Variants in RPS6KC1 observed in about 807,000 individuals in gnomAD.
RPS6KC1 encodes ribosomal protein S6 kinase C1, also known as inactive ribosomal protein S6 kinase delta-1.
A neutral mutation model predicts 103.8 loss-of-function variants in RPS6KC1; 54 were observed. That is an observed-to-expected ratio of 0.52 (90% CI 0.42 to 0.65). The LOEUF (loss-of-function observed/expected upper bound fraction) is 0.65, where lower values mean the gene tolerates loss of function less well. Ranked by LOEUF, RPS6KC1 falls within the 30% of genes least tolerant of loss-of-function variation. The probability of loss-of-function intolerance (pLI) is 0.00; values close to 1 mark genes in which losing one functional copy is unlikely to be tolerated. For synonymous variants in RPS6KC1, 439 were observed against 438.7 expected (o/e 1.00, Z -0.01); for missense variants, 1,151 against 1,253.8 (o/e 0.92, Z 1.24).
the RPS6KC1 span, among the ~76,000 whole-genome samples, chr1:213,670,010 A>C: frequency 7.2e-5 from 11 of 152,122 alleles, no homozygotes; most frequent in Admixed American, 5.2e-4. Context: ...ATGTTGTGTT[A>C]TTATCCTGGC....
At chr1:213,441,121 A>T in the RPS6KC1 span, among the ~76,000 whole-genome samples, 3 of 152,192 alleles carry the variant, frequency 2.0e-5, no homozygotes, top group Admixed American at 1.3e-4. Context: ...ATATAGAGTA[A>T]ATTCAGTGCT....
intron 3 of RPS6KC1, among the ~76,000 whole-genome samples, chr1:213,101,804 G>A (rs928814847): frequency 6.6e-6 from 1 of 151,842 alleles, no homozygotes; most frequent in Non-Finnish European, 1.5e-5. Context: ...TTCTTTAAGC[G>A]ATAACTATAT....
the RPS6KC1 span, among the ~76,000 whole-genome samples, chr1:213,525,659 A>G: frequency 6.6e-6 from 1 of 152,140 alleles, no homozygotes; most frequent in African/African-American, 2.4e-5. Context: ...ACATGGTAGG[A>G]GGAGAATAAG....
At chr1:213,361,545 G>C in the RPS6KC1 span, among the ~76,000 whole-genome samples, 3 of 152,214 alleles carry the variant, frequency 2.0e-5, no homozygotes, top group Non-Finnish European at 4.4e-5. Flanking sequence ...CTCATGCTCA[G>C]TGCGCTGCAC....
the RPS6KC1 span, among the ~76,000 whole-genome samples, chr1:213,307,713 G>A: frequency 6.6e-6 from 1 of 152,104 alleles, no homozygotes; most frequent in Non-Finnish European, 1.5e-5. Flanking sequence ...GTCTCCCAAG[G>A]GGCATCTTCT....
In RPS6KC1 at chr1:213,072,949, A is replaced by G. The variant is rs562643968; in HGVS notation, c.141+1908A>G. Reference sequence around the variant, plus strand: ...CTTTTTTCGGGAAAACTCTTTTATAATAACAACTGTTGGTGAACCATTCAT... The same window carrying G: ...CTTTTTTCGGGAAAACTCTTTTATAGTAACAACTGTTGGTGAACCATTCAT... On this transcript the variant is annotated intron_variant, in intron 2 of 14. Coordinates refer to ENST00000366960, the MANE Select transcript of RPS6KC1 (RefSeq NM_012424.6). 1.1e-5 allele frequency: 11 copies of G among 963,554 alleles called. No individual in the cohort carries two copies. The African/African-American group carries it at 1.8e-4, about 15-fold the overall frequency. 59.7% of individuals were successfully genotyped at this position (963,554 alleles called of 1,614,324 possible). A position where few individuals can be genotyped will look rare whatever the true frequency, so the allele number is the denominator to read the frequency against.
At chr1:213,778,550 C>G in the RPS6KC1 span, among the ~76,000 whole-genome samples, 1 of 152,040 alleles carries the variant, frequency 6.6e-6, no homozygotes, top group East Asian at 1.9e-4. Flanking sequence ...AACAATGTGG[C>G]CTGATCCTTT....
chr1:213,699,059 A>G, the RPS6KC1 span, among the ~76,000 whole-genome samples: 1 of 152,160 alleles, frequency 6.6e-6, no homozygotes, highest in Non-Finnish European at 1.5e-5. Flanking sequence ...CAAACAGTCC[A>G]ATTATACTCT....
At chr1:213,161,925 A>G (rs537580748) in intron 6 of RPS6KC1, among the ~76,000 whole-genome samples, 5 of 152,222 alleles carry the variant, frequency 3.3e-5, no homozygotes, top group Admixed American at 1.3e-4. Flanking sequence ...TACTTCTCTT[A>G]AGATGTGTGT....
the RPS6KC1 span, among the ~76,000 whole-genome samples, chr1:213,534,925 C>T: frequency 6.6e-6 from 1 of 152,202 alleles, no homozygotes; most frequent in South Asian, 2.1e-4. Flanking sequence ...CTGCCACCTC[C>T]TTCTCCCCAA....
the RPS6KC1 span, among the ~76,000 whole-genome samples, chr1:213,642,851 G>T: frequency 1.3e-5 from 2 of 151,640 alleles, no homozygotes; most frequent in Non-Finnish European, 2.9e-5. Context: ...TTCTTCATTA[G>T]AATTTATTTT....
rs144196880 is a variant in RPS6KC1, at chr1:213,196,961, T to G, written c.1044+20469T>G. On this transcript the variant is annotated intron_variant, in intron 8 of 14. Transcript: ENST00000366960. ...AAGCAATTCTTCTGCCTCAGCCTCC[T>G]GAGTAGCTGGGATTACGGGCATGTG... Among the ~76,000 whole-genome samples the G allele has an allele frequency of 8.5e-3, 1,301 of 152,190 alleles. 24 individuals are homozygous for G. The highest frequency in any genetic ancestry group is 0.029 in the African/African-American group (1,207 of 41,528).
At chr1:213,283,879 GT>G in the RPS6KC1 span, among the ~76,000 whole-genome samples, 2 of 149,026 alleles carry the variant, frequency 1.3e-5, no homozygotes, top group South Asian at 2.1e-4. Flanking sequence ...AGTTAGAAAT[GT>G]TTTTTTTTTA....
chr1:213,470,864 A>ATCC, the RPS6KC1 span, among the ~76,000 whole-genome samples: 1 of 151,938 alleles, frequency 6.6e-6, no homozygotes, highest in Non-Finnish European at 1.5e-5. Context: ...GCCTCAAGTG[A>ATCC]TCCTCCTCCT....
At chr1:213,752,210 A>G in the RPS6KC1 span, among the ~76,000 whole-genome samples, 12 of 152,172 alleles carry the variant, frequency 7.9e-5, no homozygotes, top group African/African-American at 2.9e-4. Flanking sequence ...CCATCTTCAG[A>G]TCTCTAAACT....
the RPS6KC1 span, among the ~76,000 whole-genome samples, chr1:213,402,832 C>T: frequency 6.6e-6 from 1 of 151,834 alleles, no homozygotes; most frequent in South Asian, 2.1e-4. Flanking sequence ...AATTTGAGAA[C>T]ACATCACGGG....
the RPS6KC1 span, among the ~76,000 whole-genome samples, chr1:213,380,496 TAAAA>T: frequency 1.3e-5 from 2 of 151,658 alleles, no homozygotes; most frequent in African/African-American, 2.4e-5. Context: ...AAATAAAAGT[TAAAA>T]AAAAGAAATT....
intron 8 of RPS6KC1, among the ~76,000 whole-genome samples, chr1:213,187,536 G>C (rs79556968): frequency 0.048 from 7,220 of 151,974 alleles, 258 homozygotes; most frequent in South Asian, 0.09. Context: ...ATGAGCCACT[G>C]TGCCTGGCCT....
At chr1:213,086,271 C>G (rs556070569) in intron 3 of RPS6KC1, among the ~76,000 whole-genome samples, 15 of 152,284 alleles carry the variant, frequency 9.9e-5, no homozygotes, top group Admixed American at 9.8e-4. Context: ...GTACTCATCC[C>G]CTAGGAAATT....
Sources: allele counts gnomAD v4.1 joint callset (sites outside exome capture counted in the v4.1 genomes callset), GRCh38; gene constraint gnomAD v4.1.1; transcripts MANE v1.5; gene names NCBI Gene and HGNC (gene_info 2026-07-23, HGNC 2026-07-21).